Variants in EPHB4 observed in about 807,000 individuals in gnomAD.
EPHB4 encodes ephrin type-B receptor 4.
Under a neutral mutation model 110.6 loss-of-function variants are expected in EPHB4, and 50 were observed. That is an observed-to-expected ratio of 0.45 (90% CI 0.36 to 0.57). The LOEUF (loss-of-function observed/expected upper bound fraction) is 0.57. Among genes scored for constraint, EPHB4 ranks in the 20% least tolerant of loss-of-function variants. EPHB4 has a pLI of 0.00. For synonymous variants in EPHB4, 592 were observed against 578.4 expected, an observed-to-expected ratio of 1.02 and a Z score of -0.34; for missense variants, 1,128 against 1,382.1, an observed-to-expected ratio of 0.82 and a Z score of 2.91.
At chr7:100,807,997 C>T (rs991919686) in intron 12 of EPHB4, among the ~76,000 whole-genome samples, 1 of 152,118 alleles carries the variant, frequency 6.6e-6, no homozygotes, top group Non-Finnish European at 1.5e-5. Flanking sequence ...GTAGGGCAAG[C>T]CCCCCAACTC....
rs554530916 is a variant in EPHB4 at position 100,807,431 on chromosome 7, C to A, written c.2268G>T (p.Val756=). 6.2e-7 allele frequency: 1 copy of A among 1,613,966 alleles called. No homozygotes were observed. Among genetic ancestry groups the A allele is most frequent in the Non-Finnish European group, 8.5e-7 (1 of 1,179,994 alleles). ...ILVNSNLVCK[V]SDFGLSRFLE... ...GGAATCGGGAAAGGCCAAAGTCAGA[C>A]ACTTTGCAGACGAGGTTGCTGTTGA... The change falls in exon 13 of 17, where the codon GTG becomes GTT. Residue 756 remains valine (V), a synonymous_variant. Transcript: ENST00000358173.
intron 12 of EPHB4, among the ~76,000 whole-genome samples, chr7:100,808,127 C>G (rs931203822): frequency 1.3e-5 from 2 of 152,234 alleles, no homozygotes; most frequent in African/African-American, 2.4e-5. Context: ...CTCTCCCAAT[C>G]GGATTATGAG....
chr7:100,813,921 G>C lies in EPHB4; in HGVS notation c.1689C>G (p.Leu563=). ...CCTCTGGGTGTCAGAGCCCTTACCT[G>C]AGGCAGAGAACTGCGACCACAATGA... ...LVVIVVAVLC[L]RKQSNGREAE... The change falls in exon 9 of 17, where the codon CTC becomes CTG. Residue 563 remains leucine, a splice_region_variant and synonymous_variant. Coordinates refer to ENST00000358173, the MANE Select transcript of EPHB4 (RefSeq NM_004444.5). 2 of 1,614,046 alleles carry C rather than the reference G, an allele frequency of 1.2e-6. No homozygotes were observed. The highest frequency in any genetic ancestry group is 8.5e-7 in the Non-Finnish European group (1 of 1,179,990).
rs370793108 is a variant in EPHB4 at position 100,804,414 on chromosome 7, A to G, written c.2834+752T>C. ...ACTGCAACCTCCACCTCCCGGGTTC[A>G]AGCGATTCTCCTGCCTCAGCCTCCT... On this transcript the variant is annotated intron_variant, in intron 16 of 16. Transcript: ENST00000358173. Among the ~76,000 whole-genome samples, 82 of 136,686 alleles carry G rather than the reference A, an allele frequency of 6.0e-4. 1 individual carries two copies. In the East Asian group the frequency reaches 6.2e-3, roughly 10 times the overall value. 89.7% of individuals were successfully genotyped at this position (136,686 alleles called of 152,430 possible). A position where few individuals can be genotyped will look rare whatever the true frequency, so the allele number is the denominator to read the frequency against.
intron 9 of EPHB4, 33 bp downstream of exon 9, chr7:100,813,886 C>A (rs754778781): frequency 6.2e-7 from 1 of 1,611,930 alleles, no homozygotes; most frequent in South Asian, 1.1e-5. Flanking sequence ...CAACTGAGGG[C>A]TTCCAGGGGC....
In EPHB4 at chr7:100,817,223, G is replaced by C. The variant is rs772331496; in HGVS notation, c.1557C>G (p.Gly519=). The C allele has an allele frequency of 6.3e-7, 1 of 1,590,532 alleles. No homozygotes were observed. The highest frequency in any genetic ancestry group is 1.4e-5 in the African/African-American group (1 of 73,502). The change falls in exon 8 of 17, where the codon GGC becomes GGG. Residue 519 remains glycine, a synonymous_variant. Coordinates refer to ENST00000358173, the MANE Select transcript of EPHB4 (RefSeq NM_004444.5). Reference sequence around the variant, plus strand: ...GTTGGGTCTGGCTGTGATGTTCCTGGCCGAAGGGCCCGTAGCCGGCCTCAG... The same window carrying C: ...GTTGGGTCTGGCTGTGATGTTCCTGCCCGAAGGGCCCGTAGCCGGCCTCAG... ...ARSEAGYGPF[G]QEHHSQTQLD...
chr7:100,822,374 G>A lies in EPHB4; in HGVS notation c.705C>T (p.Pro235=), dbSNP rs2116457700. The stretch of plus-strand genomic sequence containing the variant: ...GGCCATCCTCACGGCAGTAGAGGCT[G>A]GGGCTGGGGCCAGGGGCGGGGACGG... ...VDAVPAPGPS[P]SLYCREDGQW... is the part of the protein sequence containing the mutation. The change falls in exon 4 of 17, where the codon CCC becomes CCT. Residue 235 remains proline, a synonymous_variant. Coordinates refer to ENST00000358173, the MANE Select transcript of EPHB4 (RefSeq NM_004444.5). The surrounding 1 kb of genome is among the most constrained non-coding windows in gnomAD (Gnocchi z 4.7). 1 of 1,576,372 alleles carries A rather than the reference G, an allele frequency of 6.3e-7. No homozygotes were observed. Among genetic ancestry groups the A allele is most frequent in the Non-Finnish European group, 8.6e-7 (1 of 1,160,502 alleles).
rs762090376 is a variant in EPHB4, at chr7:100,805,705, G to A, written c.2485-11C>T. 195 of 1,453,686 alleles carry A rather than the reference G, an allele frequency of 1.3e-4. No individual in the cohort carries two copies. The highest frequency in any genetic ancestry group is 1.7e-4 in the Non-Finnish European group (191 of 1,102,894). 90.0% of individuals were successfully genotyped at this position (1,453,686 alleles called of 1,614,324 possible). ...AATGGCATTGATCACCTGGAAAGAG[G>A]GGAAGAAGCTCTGGGTGAGGCTGTC... is the stretch of plus-strand genomic sequence containing the variant. On this transcript the variant is annotated splice_polypyrimidine_tract_variant and intron_variant, in intron 14 of 16. Coordinates refer to ENST00000358173, the MANE Select transcript of EPHB4 (RefSeq NM_004444.5).
At chr7:100,804,363 G>A (rs1179306272) in intron 16 of EPHB4, among the ~76,000 whole-genome samples, 1 of 134,924 alleles carries the variant, frequency 7.4e-6, no homozygotes, top group Non-Finnish European at 1.5e-5. Flanking sequence ...CATCCAGGCT[G>A]GAGTGCAGTG....
rs773705502 is a variant in EPHB4 at position 100,823,927 on chromosome 7, T to A, written c.128A>T (p.Glu43Val). Residue 43 changes from glutamate (E) to valine (V), a missense_variant, in exon 3 of 17, where the codon GAG (glutamate) becomes GTG (valine). Coordinates refer to ENST00000358173, the MANE Select transcript of EPHB4 (RefSeq NM_004444.5). ...VTFPQVDGQW[E>V]ELSGLDEEQH... Reference sequence around the variant, plus strand: ...TTCCTCATCCAGGCCGCTCAGTTCCTCCCACTGTGCAGAGAAGGAGGTCAG... The same window carrying A: ...TTCCTCATCCAGGCCGCTCAGTTCCACCCACTGTGCAGAGAAGGAGGTCAG... 8.2e-6 allele frequency: 13 copies of A among 1,583,576 alleles called. No individual in the cohort carries two copies. Among genetic ancestry groups the A allele is most frequent in the African/African-American group, 1.3e-5 (1 of 74,332 alleles).
At position 100,822,455 on chromosome 7, in the gene EPHB4, C is replaced by T. The variant is rs200156491; in HGVS notation, c.624G>A (p.Pro208=). 1.7e-5 allele frequency: 27 copies of T among 1,607,340 alleles called. No homozygotes were observed. The highest frequency in any genetic ancestry group is 1.6e-4 in the Middle Eastern group (1 of 6,070). The change falls in exon 4 of 17, where the codon CCG becomes CCA. Residue 208 remains proline, a synonymous_variant. Transcript: ENST00000358173. This position sits in a 1 kb window ranked among gnomAD's most constrained non-coding sequence, Gnocchi z 4.7. ...AQLTVNLTRF[P]ETVPRELVVP... Reference sequence around the variant, plus strand: ...CAACCAGCTCCCGAGGCACAGTCTCCGGGAATCGAGTCAGGTTCACAGTCA... The same window carrying T: ...CAACCAGCTCCCGAGGCACAGTCTCTGGGAATCGAGTCAGGTTCACAGTCA...
chr7:100,815,997 G>T (rs1463251063), intron 8 of EPHB4, among the ~76,000 whole-genome samples: 1 of 150,638 alleles, frequency 6.6e-6, no homozygotes, highest in Admixed American at 6.6e-5. Flanking sequence ...TTAAAAAAAA[G>T]AAAAAGTTAG....
chr7:100,824,577 G>T, intron 1 of EPHB4: 1 of 370,882 alleles, frequency 2.7e-6, no homozygotes, highest in Non-Finnish European at 5.0e-6. Context: ...GCTCAGAAAG[G>T]GTTAAAATGA....
At chr7:100,806,678 A>C in intron 13 of EPHB4, 109 bp from the exon 14 acceptor site, 27 of 1,325,574 alleles carry the variant, frequency 2.0e-5, no homozygotes, top group African/African-American at 2.9e-5. Flanking sequence ...CCCCTAGCTC[A>C]GGCCCCAAGC....
intron 14 of EPHB4, 57 bp downstream of exon 14, chr7:100,806,363 C>T: frequency 6.4e-7 from 1 of 1,563,694 alleles, no homozygotes; most frequent in Non-Finnish European, 8.7e-7. Context: ...CCCTTCACCC[C>T]AAATCCCAGG....
chr7:100,823,478 C>T (rs1480504265), intron 3 of EPHB4, among the ~76,000 whole-genome samples, 166 bp downstream of exon 3: 3 of 152,264 alleles, frequency 2.0e-5, no homozygotes, highest in East Asian at 1.9e-4. Context: ...TCTGCTCCTC[C>T]GCCCAGAAGA....
At position 100,812,963 on chromosome 7, in the gene EPHB4, G is replaced by C; in HGVS notation, c.1902C>G (p.Leu634=). ...AGCTCTCCTTCTTCCCTGGGGCCTTGAGCCGCCCCCGGCACACCTCGCCAA... is the reference window on the plus strand; with the variant it reads ...AGCTCTCCTTCTTCCCTGGGGCCTTCAGCCGCCCCCGGCACACCTCGCCAA... The part of the protein sequence containing the change: ...GEFGEVCRGR[L]KAPGKKESCV... The change falls in exon 12 of 17, where the codon CTC becomes CTG. Residue 634 remains leucine, a synonymous_variant. Coordinates refer to ENST00000358173, the MANE Select transcript of EPHB4 (RefSeq NM_004444.5). 1.2e-6 allele frequency: 2 copies of C among 1,613,972 alleles called. No individual in the cohort carries two copies. The highest frequency in any genetic ancestry group is 1.7e-6 in the Non-Finnish European group (2 of 1,179,898).
Position 100,803,338 on chromosome 7 carries a change from A to G in EPHB4, c.*123T>C, listed in dbSNP as rs2116406738. ...CAAATCCTGTCTCTCCAAATTGCCA[A>G]CTCCTCACCCCACGGGCTCAAAGTG... On this transcript the variant is annotated 3_prime_UTR_variant, in exon 17 of 17. Transcript: ENST00000358173. The G allele has an allele frequency of 8.2e-7, 1 of 1,220,572 alleles. No homozygotes were observed. Among genetic ancestry groups the G allele is most frequent in the Non-Finnish European group, 1.1e-6 (1 of 936,666 alleles). 75.6% of individuals were successfully genotyped at this position (1,220,572 alleles called of 1,614,324 possible). A position where few individuals can be genotyped will look rare whatever the true frequency, so the allele number is the denominator to read the frequency against.
chr7:100,821,985 A>G (rs888242935), intron 4 of EPHB4, among the ~76,000 whole-genome samples: 1 of 152,012 alleles, frequency 6.6e-6, no homozygotes, highest in East Asian at 1.9e-4. Context: ...ACATGGCGAA[A>G]CCCCGTCTCT....
Sources: gnomAD v4.1 joint callset for allele counts (sites outside exome capture counted in the v4.1 genomes callset) on GRCh38, gnomAD v4.1.1 for gene constraint, Gnocchi (gnomAD v3.1) non-coding constraint, MANE v1.5 for transcripts, NCBI Gene and HGNC (gene_info 2026-07-23, HGNC 2026-07-21) for gene names.